Variants in SMARCB1 observed in about 807,000 individuals in gnomAD.
SMARCB1 encodes the protein SWI/SNF-related matrix-associated actin-dependent regulator of chromatin subfamily B member 1.
In SMARCB1, 5 loss-of-function variants were observed where a neutral mutation model predicts 49.0. That is an observed-to-expected ratio of 0.10 (90% CI 0.05 to 0.21). The LOEUF is 0.21. SMARCB1 is among the 10% of genes least tolerant of loss of function. The pLI is 1.00. For synonymous variants in SMARCB1, 201 were observed against 200.1 expected (o/e 1.00, Z -0.04); for missense variants, 226 against 509.2 (o/e 0.44, Z 5.35).
intron 2 of SMARCB1, 103 bp from the exon 3 acceptor site, chr22:23,793,456 C>A: frequency 8.0e-7 from 1 of 1,249,718 alleles, no homozygotes; most frequent in East Asian, 2.3e-5. Flanking sequence ...CTTGCTTTTC[C>A]CACCTCCCGC....
rs1287987691 is a variant in SMARCB1 at position 23,787,236 on chromosome 22, G to A, written c.67G>A (p.Gly23Ser). The A allele has an allele frequency of 1.7e-5, 27 of 1,606,684 alleles. No homozygotes were observed. Among genetic ancestry groups the A allele is most frequent in the Non-Finnish European group, 2.3e-5 (27 of 1,175,538 alleles). Residue 23 changes from glycine to serine, a missense_variant, in exon 1 of 9, where the codon GGC (glycine) becomes AGC (serine). This residue lies in a region of SMARCB1 where 37 missense variants were observed against 36.9 expected (regional missense o/e 1.00). Transcript: ENST00000644036. ...KPVKFQLEDD[G>S]EFYMIGSEVG... The stretch of plus-strand genomic sequence containing the variant: ...CGTGAAGTTCCAGCTGGAGGACGAC[G>A]GCGAGTTCTACATGATCGGCTCCGA...
intron 3 of SMARCB1, among the ~76,000 whole-genome samples, chr22:23,798,766 G>T (rs549081576): frequency 1.1e-3 from 160 of 152,060 alleles, no homozygotes; most frequent in African/African-American, 3.6e-3. Flanking sequence ...TCAAACGTTT[G>T]TCGGCCGGGC....
In SMARCB1 at chr22:23,799,679, A is replaced by ATTTTTTTTTTTTTTTTTTT. The variant is rs71184912; in HGVS notation, c.363-1260_363-1242dup. Among the ~76,000 whole-genome samples the ATTTTTTTTTTTTTTTTTTT allele has an allele frequency of 2.5e-4, 17 of 68,414 alleles. 1 individual carries two copies. Among genetic ancestry groups the ATTTTTTTTTTTTTTTTTTT allele is most frequent in the East Asian group, 9.4e-4 (2 of 2,128 alleles). The allele number at this position is 68,414 out of a possible 152,430, so 44.9% of individuals were successfully genotyped here. A position where few individuals can be genotyped will look rare whatever the true frequency, so the allele number is the denominator to read the frequency against. ...AGGTTCCTGCCATCACACCTGGCTA[A>ATTTTTTTTTTTTTTTTTTT]TTTTTTTTTTTTTTTTTTTTTTTGA... On this transcript the variant is annotated intron_variant, in intron 3 of 8. Transcript: ENST00000644036.
At chr22:23,807,448 G>C (rs1361980947) in intron 5 of SMARCB1, among the ~76,000 whole-genome samples, 1 of 152,102 alleles carries the variant, frequency 6.6e-6, no homozygotes, top group Non-Finnish European at 1.5e-5. Context: ...GGTAGCACGT[G>C]CCTGTGATCT....
At chr22:23,828,630 A>C (rs888076836) in intron 7 of SMARCB1, among the ~76,000 whole-genome samples, 1 of 152,128 alleles carries the variant, frequency 6.6e-6, no homozygotes, top group Non-Finnish European at 1.5e-5. Flanking sequence ...CTCCAGCCCG[A>C]CAGAGCTAGA....
At chr22:23,817,637 T>C (rs1301154865) in intron 6 of SMARCB1, 1 of 152,632 alleles carries the variant, frequency 6.6e-6, no homozygotes, top group Non-Finnish European at 1.5e-5. Context: ...AAAATAGTCT[T>C]TGGGGTCGAG....
intron 4 of SMARCB1, chr22:23,801,293 T>C (rs1317903045): frequency 3.9e-6 from 3 of 761,408 alleles, no homozygotes; most frequent in Non-Finnish European, 6.8e-6. Context: ...CACCTTGCCA[T>C]GTCCTCCTCA....
At chr22:23,810,780 G>A (rs1207519824) in intron 5 of SMARCB1, among the ~76,000 whole-genome samples, 2 of 151,742 alleles carry the variant, frequency 1.3e-5, no homozygotes, top group African/African-American at 2.4e-5. Flanking sequence ...CTGTAATCGC[G>A]GCATTTTGGG....
chr22:23,834,996 T>C lies in SMARCB1; in HGVS notation c.*816T>C, dbSNP rs926977082. ...GTCGCCAGCCTGGGTGCAGGAGGGC[T>C]GTTCTAGCTCCAGTGGCACCCATAG... On this transcript the variant is annotated 3_prime_UTR_variant, in exon 9 of 9. Coordinates refer to ENST00000644036, the MANE Select transcript of SMARCB1 (RefSeq NM_003073.5). 4 of 1,483,850 alleles carry C rather than the reference T, an allele frequency of 2.7e-6. No individual in the cohort carries two copies. In the African/African-American group the frequency reaches 5.6e-5, roughly 21 times the overall value. The allele number at this position is 1,483,850 out of a possible 1,614,324, so 91.9% of individuals were successfully genotyped here. A position where few individuals can be genotyped will look rare whatever the true frequency, so the allele number is the denominator to read the frequency against.
In SMARCB1 at chr22:23,837,055, A is replaced by G; in HGVS notation, c.*2875A>G. On this transcript the variant is annotated 3_prime_UTR_variant, in exon 9 of 9. Coordinates refer to ENST00000644036, the MANE Select transcript of SMARCB1 (RefSeq NM_003073.5). ...GTGGGGAGAGGGAGGGAGGGCTCTC[A>G]ACACTCACAGGAAGCCAGGGGTCTG... is the stretch of plus-strand genomic sequence containing the variant. The G allele has an allele frequency of 1.2e-6, 2 of 1,613,782 alleles. No homozygotes were observed. The highest frequency in any genetic ancestry group is 1.7e-6 in the Non-Finnish European group (2 of 1,179,836).
At chr22:23,806,182 C>T (rs1929482547) in intron 5 of SMARCB1, among the ~76,000 whole-genome samples, 1 of 152,188 alleles carries the variant, frequency 6.6e-6, no homozygotes, top group Admixed American at 6.5e-5. Flanking sequence ...AGGTTAGCAG[C>T]AGCCTGTGGC....
intron 1 of SMARCB1, among the ~76,000 whole-genome samples, chr22:23,789,236 G>A (rs1928216105): frequency 6.6e-6 from 1 of 152,206 alleles, no homozygotes; most frequent in African/African-American, 2.4e-5. Context: ...AGATGCCAGT[G>A]CTGGGGAGGT....
In SMARCB1 at chr22:23,834,371, C is replaced by A. The variant is rs988249848; in HGVS notation, c.*191C>A. The A allele has an allele frequency of 7.1e-6, 5 of 699,928 alleles. No individual in the cohort carries two copies. Among genetic ancestry groups the A allele is most frequent in the Middle Eastern group, 2.9e-4 (1 of 3,436 alleles). The allele number at this position is 699,928 out of a possible 1,614,324, so 43.4% of individuals were successfully genotyped here. ...TTTGTTGAGCCCCAGTCCTGCCCCCCACCCCACCCTCCCTACCCCTCCCCA... is the reference window on the plus strand; with the variant it reads ...TTTGTTGAGCCCCAGTCCTGCCCCCAACCCCACCCTCCCTACCCCTCCCCA... On this transcript the variant is annotated 3_prime_UTR_variant, in exon 9 of 9. Transcript: ENST00000644036.
chr22:23,824,826 A>G (rs2030290460), intron 6 of SMARCB1: 2 of 310,870 alleles, frequency 6.4e-6, no homozygotes, highest in Admixed American at 8.6e-5. Flanking sequence ...TTGGCTCAAG[A>G]CAGGGCTTAG....
rs56800497 is a variant in SMARCB1, at chr22:23,830,649, C to CTTTT, written c.987-2893_987-2890dup. Among the ~76,000 whole-genome samples the CTTTT allele has an allele frequency of 7.0e-4, 67 of 95,412 alleles. 5 individuals are homozygous for CTTTT. The highest frequency in any genetic ancestry group is 2.6e-3 in the South Asian group (6 of 2,326). 62.6% of individuals were successfully genotyped at this position (95,412 alleles called of 152,430 possible). A position where few individuals can be genotyped will look rare whatever the true frequency, so the allele number is the denominator to read the frequency against. ...TTCATTTTGATGTAGTCCAATTTAT[C>CTTTT]TTTTTTTTTTTTTTTTTTTTTTTTT... On this transcript the variant is annotated intron_variant, in intron 7 of 8. Transcript: ENST00000644036.
In SMARCB1 at chr22:23,836,168, C is replaced by CAGA; in HGVS notation, c.*1990_*1992dup. 7.1e-6 allele frequency: 7 copies of CAGA among 985,478 alleles called. No homozygotes were observed. The highest frequency in any genetic ancestry group is 8.4e-6 in the Non-Finnish European group (7 of 829,956). 61.0% of individuals were successfully genotyped at this position (985,478 alleles called of 1,614,324 possible). On this transcript the variant is annotated 3_prime_UTR_variant, in exon 9 of 9. Coordinates refer to ENST00000644036, the MANE Select transcript of SMARCB1 (RefSeq NM_003073.5). The stretch of plus-strand genomic sequence containing the variant: ...CAGAAGTCCCTGCCTCACCCAGTCT[C>CAGA]AGAACTCTGCTAAGGTGAAAACTTA...
intron 1 of SMARCB1, among the ~76,000 whole-genome samples, chr22:23,790,638 T>A (rs1262056807): frequency 6.6e-6 from 1 of 151,286 alleles, no homozygotes; most frequent in Admixed American, 6.6e-5. Context: ...AGCCCAGGAG[T>A]TTGAGACCAG....
Position 23,836,623 on chromosome 22 carries a change from C to T in SMARCB1, c.*2443C>T. ...GTTTCTTTGCCCTCTGTGGGCACCCCTATCCTACCACCTGCAGTTGGGCTG... is the reference window on the plus strand; with the variant it reads ...GTTTCTTTGCCCTCTGTGGGCACCCTTATCCTACCACCTGCAGTTGGGCTG... On this transcript the variant is annotated 3_prime_UTR_variant, in exon 9 of 9. Coordinates refer to ENST00000644036, the MANE Select transcript of SMARCB1 (RefSeq NM_003073.5). 1.5e-5 allele frequency: 18 copies of T among 1,229,872 alleles called. No homozygotes were observed. Among genetic ancestry groups the T allele is most frequent in the Non-Finnish European group, 1.7e-5 (17 of 988,894 alleles). 76.2% of individuals were successfully genotyped at this position (1,229,872 alleles called of 1,614,324 possible). A position where few individuals can be genotyped will look rare whatever the true frequency, so the allele number is the denominator to read the frequency against.
chr22:23,837,073 G>C lies in SMARCB1; in HGVS notation c.*2893G>C. On this transcript the variant is annotated 3_prime_UTR_variant, in exon 9 of 9. Transcript: ENST00000644036. ...GGCTCTCAACACTCACAGGAAGCCAGGGGTCTGCAGGAGCCTCTTGCCTCC... is the reference window on the plus strand; with the variant it reads ...GGCTCTCAACACTCACAGGAAGCCACGGGTCTGCAGGAGCCTCTTGCCTCC... The C allele has an allele frequency of 6.2e-7, 1 of 1,613,904 alleles. No individual in the cohort carries two copies. Among genetic ancestry groups the C allele is most frequent in the Non-Finnish European group, 8.5e-7 (1 of 1,179,884 alleles).
Sources: allele counts gnomAD v4.1 joint callset (sites outside exome capture counted in the v4.1 genomes callset), GRCh38; gene constraint gnomAD v4.1.1; regional missense constraint gnomAD v4.1.1; transcripts MANE v1.5; gene names NCBI Gene and HGNC (gene_info 2026-07-23, HGNC 2026-07-21).